MTA3: variants seen among roughly 807,000 people sequenced by gnomAD.
MTA3 encodes metastasis-associated protein MTA3.
MTA3 carries 34 observed loss-of-function variants against 83.5 expected under a neutral mutation model. The observed-to-expected ratio is 0.41, with a 90% CI of 0.31 to 0.54. MTA3 has a LOEUF of 0.54. Among genes scored for constraint, MTA3 ranks in the 20% least tolerant of loss-of-function variants. MTA3 has a pLI of 0.33. For missense variants in MTA3, 761 were observed against 726.4 expected, an observed-to-expected ratio of 1.05 and a Z score of -0.55; for synonymous variants, 303 against 252.7, an observed-to-expected ratio of 1.20 and a Z score of -1.89.
intron 4 of MTA3, among the ~76,000 whole-genome samples, chr2:42,630,646 A>G (rs1252114514): frequency 6.6e-6 from 1 of 152,136 alleles, no homozygotes; most frequent in East Asian, 1.9e-4. Flanking sequence ...GTTTAATCCT[A>G]ACTAATGGAT....
chr2:42,714,631 G>T (rs1666894432), intron 14 of MTA3, among the ~76,000 whole-genome samples: 1 of 152,166 alleles, frequency 6.6e-6, no homozygotes, highest in Non-Finnish European at 1.5e-5. Context: ...TAACCCCAAG[G>T]AAATATAGAT....
At chr2:42,515,093 G>T (rs1431291747) in intron 2 of MTA3, among the ~76,000 whole-genome samples, 2 of 151,844 alleles carry the variant, frequency 1.3e-5, no homozygotes, top group African/African-American at 2.4e-5. Flanking sequence ...GTCTCGCTCT[G>T]TTGTGCCCAG....
At chr2:42,752,207 T>A (rs1299793581) in intron 16 of MTA3, 1 of 471,408 alleles carries the variant, frequency 2.1e-6, no homozygotes, top group East Asian at 6.9e-5. Flanking sequence ...AATACCAAGC[T>A]GGGTACAGGT....
chr2:42,601,805 G>T (rs964308456), intron 3 of MTA3, among the ~76,000 whole-genome samples: 6 of 152,110 alleles, frequency 3.9e-5, no homozygotes, highest in African/African-American at 7.2e-5. Context: ...TCAGCCTCTG[G>T]AGTAGCTAGG....
chr2:42,748,016 A>G (rs949139037), intron 16 of MTA3, among the ~76,000 whole-genome samples: 6 of 151,552 alleles, frequency 4.0e-5, no homozygotes, highest in African/African-American at 7.3e-5. Flanking sequence ...AGATTCATTT[A>G]TATTTTCTAG....
intron 2 of MTA3, among the ~76,000 whole-genome samples, chr2:42,548,262 C>A (rs987240375): frequency 6.6e-6 from 1 of 152,082 alleles, no homozygotes; most frequent in East Asian, 1.9e-4. Context: ...GTCAGGAATT[C>A]GAGACCAGCC....
chr2:42,692,493 C>T (rs1281765472), intron 9 of MTA3, among the ~76,000 whole-genome samples: 11 of 150,232 alleles, frequency 7.3e-5, no homozygotes, highest in African/African-American at 2.7e-4. Flanking sequence ...GGCGTGATCT[C>T]GGCTCACTGT....
rs1667526596 is a variant in MTA3, at chr2:42,722,872, C to A, written c.1613-17C>A. On this transcript the variant is annotated splice_polypyrimidine_tract_variant and intron_variant, in intron 15 of 16. Coordinates refer to ENST00000405094, the MANE Select transcript of MTA3 (RefSeq NM_001330442.2). ...AATATCATGTTCTGAATTGAGAAACCTTTTTTCCCCCATCAGAGATCCATC... is the reference window on the plus strand; with the variant it reads ...AATATCATGTTCTGAATTGAGAAACATTTTTTCCCCCATCAGAGATCCATC... 2 of 1,550,148 alleles carry A rather than the reference C, an allele frequency of 1.3e-6. No individual in the cohort carries two copies. The highest frequency in any genetic ancestry group is 4.9e-5 in the East Asian group (2 of 40,902).
At chr2:42,529,875 G>C (rs964508307) in intron 2 of MTA3, among the ~76,000 whole-genome samples, 21 of 152,260 alleles carry the variant, frequency 1.4e-4, no homozygotes, top group African/African-American at 4.8e-4. Context: ...GTCGGTCAGA[G>C]AGGCAAAAAC....
At chr2:42,637,892 ATTGT>A (rs1687338793) in intron 4 of MTA3, among the ~76,000 whole-genome samples, 2 of 152,110 alleles carry the variant, frequency 1.3e-5, no homozygotes, top group African/African-American at 2.4e-5. Context: ...AGTATGCTAT[ATTGT>A]TTGTTTGAAT....
At chr2:42,539,179 G>A (rs2029898) in intron 2 of MTA3, among the ~76,000 whole-genome samples, 51,657 of 151,978 alleles carry the variant, frequency 0.34, 8,861 homozygotes, top group South Asian at 0.41. Context: ...GTAGAATTAC[G>A]GGGTAAAAGA....
chr2:42,653,444 A>G (rs1450064132), intron 6 of MTA3, among the ~76,000 whole-genome samples: 2 of 152,234 alleles, frequency 1.3e-5, no homozygotes, highest in South Asian at 2.1e-4. Context: ...AAAATTCTAA[A>G]TAAGTTAATT....
chr2:42,750,031 C>T (rs183688692), intron 16 of MTA3, among the ~76,000 whole-genome samples: 1,854 of 151,430 alleles, frequency 0.012, 31 homozygotes, highest in African/African-American at 0.042. Flanking sequence ...CTCACTCTGT[C>T]GCCAGGCTGG....
At chr2:42,721,420 C>A (rs993740610) in intron 15 of MTA3, among the ~76,000 whole-genome samples, 1 of 151,874 alleles carries the variant, frequency 6.6e-6, no homozygotes, top group East Asian at 1.9e-4. Flanking sequence ...CTCCACTTCC[C>A]AGGCTCAGGT....
At chr2:42,514,360 T>A (rs545205156) in intron 2 of MTA3, among the ~76,000 whole-genome samples, 1 of 152,296 alleles carries the variant, frequency 6.6e-6, no homozygotes, top group South Asian at 2.1e-4. Context: ...AATATTTTTC[T>A]TTCTTTTTGT....
intron 3 of MTA3, among the ~76,000 whole-genome samples, chr2:42,595,844 T>C (rs1001248275): frequency 1.3e-5 from 2 of 152,200 alleles, no homozygotes; most frequent in Non-Finnish European, 2.9e-5. Context: ...TAACACATAA[T>C]ACCAGACACT....
chr2:42,732,243 C>T (rs1482079195), intron 16 of MTA3, among the ~76,000 whole-genome samples: 1 of 152,232 alleles, frequency 6.6e-6, no homozygotes, highest in African/African-American at 2.4e-5. Context: ...TTTGCCTGGG[C>T]ATCCAGGCAT....
chr2:42,692,326 C>T (rs1692972674), intron 9 of MTA3, among the ~76,000 whole-genome samples: 1 of 149,580 alleles, frequency 6.7e-6, no homozygotes, highest in African/African-American at 2.5e-5. Flanking sequence ...CTTTTTATTT[C>T]AGTCTCTGTT....
At chr2:42,503,921 CTT>C (rs34028665) in intron 2 of MTA3, among the ~76,000 whole-genome samples, 7 of 111,246 alleles carry the variant, frequency 6.3e-5, no homozygotes, top group East Asian at 5.0e-4. Flanking sequence ...GAACCACATT[CTT>C]TTTTTTTTTT....
Sources: allele counts gnomAD v4.1 joint callset (sites outside exome capture counted in the v4.1 genomes callset), GRCh38; gene constraint gnomAD v4.1.1; transcripts MANE v1.5; gene names NCBI Gene and HGNC (gene_info 2026-07-23, HGNC 2026-07-21).